NAV1: variants seen among roughly 807,000 people sequenced by gnomAD.
NAV1 encodes the protein neuron navigator 1.
A neutral mutation model predicts 175.2 loss-of-function variants in NAV1; 18 were observed. The observed-to-expected ratio is 0.10, with a 90% CI of 0.07 to 0.15. The LOEUF is 0.15. Among genes scored for constraint, NAV1 ranks in the 10% least tolerant of loss-of-function variants. NAV1 has a pLI of 1.00. For synonymous variants in NAV1, 897 were observed against 978.7 expected (o/e 0.92, Z 1.56); for missense variants, 1,731 against 2,436.6 (o/e 0.71, Z 6.10).
At chr1:201,708,525 C>T (rs1671768357) in intron 1 of NAV1, among the ~76,000 whole-genome samples, 1 of 152,102 alleles carries the variant, frequency 6.6e-6, no homozygotes, top group African/African-American at 2.4e-5. Flanking sequence ...AGCACGCACT[C>T]CCAGGCCCCC....
At chr1:201,648,935 G>A (rs1330320913) in exon 1 of NAV1, 2 of 1,612,992 alleles carry the variant, frequency 1.2e-6, no homozygotes, top group Non-Finnish European at 1.7e-6. Flanking sequence ...GCAAGCAGAA[G>A]TCACTCACCA....
chr1:201,599,748 C>G (rs940478527), intron 2 of NAV1, among the ~76,000 whole-genome samples: 3 of 152,116 alleles, frequency 2.0e-5, no homozygotes, highest in Admixed American at 6.5e-5. Flanking sequence ...TAAAAGAGAC[C>G]AGGCTCAGGG....
chr1:201,690,669 C>A (rs1379146674), intron 1 of NAV1, among the ~76,000 whole-genome samples: 1 of 146,538 alleles, frequency 6.8e-6, no homozygotes, highest in East Asian at 2.1e-4. Context: ...CTGGCTATTT[C>A]CTCCGTGGCC....
At chr1:201,715,784 A>C (rs986453593) in intron 2 of NAV1, among the ~76,000 whole-genome samples, 6 of 152,214 alleles carry the variant, frequency 3.9e-5, no homozygotes, top group African/African-American at 1.4e-4. Context: ...ATTCCTTTTC[A>C]GAAGCCTTTA....
At chr1:201,804,598 A>G in intron 17 of NAV1, 101 bp downstream of exon 21, 2 of 1,071,462 alleles carry the variant, frequency 1.9e-6, no homozygotes, top group Non-Finnish European at 1.3e-6. Flanking sequence ...AAAAAAAAAA[A>G]AAAATGAATG....
At chr1:201,592,015 C>A (rs1237041041) in intron 2 of NAV1, among the ~76,000 whole-genome samples, 4 of 152,124 alleles carry the variant, frequency 2.6e-5, no homozygotes, top group Non-Finnish European at 4.4e-5. Context: ...GCAGCCTGTG[C>A]AGGCTGCAGG....
intron 1 of NAV1, among the ~76,000 whole-genome samples, chr1:201,585,676 G>C (rs1018633397): frequency 6.6e-6 from 1 of 151,938 alleles, no homozygotes; most frequent in African/African-American, 2.4e-5. Context: ...TTTCTTCAAA[G>C]AATATATATA....
chr1:201,767,862 G>A (rs904551415), intron 3 of NAV1, among the ~76,000 whole-genome samples: 5 of 152,232 alleles, frequency 3.3e-5, no homozygotes, highest in Non-Finnish European at 7.3e-5. Flanking sequence ...GAATGGGTCT[G>A]AAGAAAGCAT....
Position 201,810,006 on chromosome 1 carries a change from G to A in NAV1, c.4462G>A (p.Gly1488Ser). 2 of 1,613,904 alleles carry A rather than the reference G, an allele frequency of 1.2e-6. No homozygotes were observed. Among genetic ancestry groups the A allele is most frequent in the Non-Finnish European group, 1.7e-6 (2 of 1,179,988 alleles). Residue 1488 changes from glycine to serine, a missense_variant, in exon 23 of 30, where the codon GGC becomes AGC. By Grantham distance (56) the Gly-to-Ser change is moderately conservative. Transcript: ENST00000367296. The surrounding 1 kb of genome is among the most constrained non-coding windows in gnomAD (Gnocchi z 6.0). ...GGGACTAAGCACTGAGTCCATCCAT[G>A]GCTACAGCATCAGCCACGTGAAACG... is the stretch of plus-strand genomic sequence containing the variant.
At chr1:201,621,553 A>G (rs147012398), upstream of NAV1, among the ~76,000 whole-genome samples, 984 of 151,558 alleles carry the variant, frequency 6.5e-3, 12 homozygotes, top group African/African-American at 0.021. Context: ...GCTGGTCTCA[A>G]TCTCCTGACT....
rs144801198 is a variant in NAV1 at position 201,806,141 on chromosome 1, T to C, written c.3648+1644T>C. Reference sequence around the variant, plus strand: ...CTGGGATTACAGGCATGCACCACCATGTCCAACTAATTTTTGTATTTTTAG... The same window carrying C: ...CTGGGATTACAGGCATGCACCACCACGTCCAACTAATTTTTGTATTTTTAG... On this transcript the variant is annotated intron_variant, in intron 17 of 29. Transcript: ENST00000367296. 6.1e-3 allele frequency among the ~76,000 whole-genome samples: 930 copies of C among 152,060 alleles called. 8 individuals are homozygous for C. Among genetic ancestry groups the C allele is most frequent in the African/African-American group, 0.021 (873 of 41,482 alleles).
At chr1:201,802,136 C>CAAAAAAAAAAAAAAAAA (rs771631007) in intron 15 of NAV1, among the ~76,000 whole-genome samples, 8 of 20,300 alleles carry the variant, frequency 3.9e-4, no homozygotes, top group African/African-American at 6.7e-4. Flanking sequence ...GACTCCGTCT[C>CAAAAAAAAAAAAAAAAA]AAAAAAAAAA....
Position 201,754,968 on chromosome 1 carries a change from A to G in NAV1, c.1227-25453A>G, listed in dbSNP as rs562578453. Among the ~76,000 whole-genome samples, 3 of 152,354 alleles carry G rather than the reference A, an allele frequency of 2.0e-5. No individual in the cohort carries two copies. In the South Asian group the frequency reaches 6.2e-4, roughly 32 times the overall value. ...TATGTCATATCAGGTATAATGTTTA[A>G]AAATGCCAGTCAGGAACAGAGGAAT... On this transcript the variant is annotated intron_variant, in intron 3 of 29. Coordinates refer to ENST00000367296, the Ensembl canonical transcript of NAV1.
At chr1:201,601,422 G>T (rs558073141) in intron 2 of NAV1, among the ~76,000 whole-genome samples, 1 of 152,294 alleles carries the variant, frequency 6.6e-6, no homozygotes, top group East Asian at 1.9e-4. Flanking sequence ...GGTTGAGGCT[G>T]CAGTGAGCTG....
At chr1:201,589,497 T>C (rs1242782523) in intron 2 of NAV1, among the ~76,000 whole-genome samples, 2 of 152,128 alleles carry the variant, frequency 1.3e-5, no homozygotes, top group Non-Finnish European at 2.9e-5. Flanking sequence ...TTTGTTTTGT[T>C]TTTCGTTTTT....
chr1:201,651,122 C>CATGTGTGTGT (rs566207982), intron 1 of NAV1, among the ~76,000 whole-genome samples: 1 of 129,062 alleles, frequency 7.7e-6, no homozygotes, highest in Non-Finnish European at 1.7e-5. Flanking sequence ...AGGAAGGGAC[C>CATGTGTGTGT]GTGTGTGTGT....
At chr1:201,645,354 G>A (rs888420629), upstream of NAV1, among the ~76,000 whole-genome samples, 1 of 133,382 alleles carries the variant, frequency 7.5e-6, no homozygotes, top group African/African-American at 2.8e-5. Flanking sequence ...TGAACAATGA[G>A]AACACATGGA....
intron 1 of NAV1, among the ~76,000 whole-genome samples, chr1:201,627,089 T>C (rs553340728): frequency 3.9e-5 from 6 of 152,310 alleles, no homozygotes; most frequent in African/African-American, 1.4e-4. Flanking sequence ...CTTTTTTTGT[T>C]TTTAGTCTTT....
chr1:201,671,932 A>G (rs934630083), intron 1 of NAV1, among the ~76,000 whole-genome samples: 3 of 152,168 alleles, frequency 2.0e-5, no homozygotes, highest in Admixed American at 6.5e-5. Flanking sequence ...AATGTCAGAG[A>G]TATAAGACTC....
Sources: gnomAD v4.1 joint callset for allele counts (sites outside exome capture counted in the v4.1 genomes callset) on GRCh38, gnomAD v4.1.1 for gene constraint, Gnocchi (gnomAD v3.1) non-coding constraint, MANE v1.5 for transcripts, NCBI Gene and HGNC (gene_info 2026-07-23, HGNC 2026-07-21) for gene names.